Variants in AFF4 observed in about 807,000 individuals in gnomAD.
AFF4 encodes the protein ALF transcription elongation factor 4, also known as AF4/FMR2 family member 4.
A neutral mutation model predicts 124.8 loss-of-function variants in AFF4; 13 were observed. That is an observed-to-expected ratio of 0.10 (90% confidence interval 0.07 to 0.17). The LOEUF is 0.17. AFF4 is among the 10% of genes least tolerant of loss of function. The pLI is 1.00. For synonymous variants in AFF4, 477 were observed against 496.1 expected, an observed-to-expected ratio of 0.96 and a Z score of 0.51; for missense variants, 1,092 against 1,403.8, an observed-to-expected ratio of 0.78 and a Z score of 3.55.
At chr5:132,932,515 C>T (rs927669646) in intron 3 of AFF4, among the ~76,000 whole-genome samples, 1 of 152,048 alleles carries the variant, frequency 6.6e-6, no homozygotes, top group African/African-American at 2.4e-5. Context: ...AGGTGTGCAG[C>T]TTGTCTAAAA....
intron 5 of AFF4, among the ~76,000 whole-genome samples, chr5:132,905,083 G>T (rs921924317): frequency 6.6e-6 from 1 of 150,952 alleles, no homozygotes; most frequent in African/African-American, 2.4e-5. Context: ...CACTTTTATG[G>T]ACTAAAAAAA....
In AFF4 at chr5:132,932,240, C is replaced by T; in HGVS notation, c.919-18G>A. 6.2e-7 allele frequency: 1 copy of T among 1,600,122 alleles called. No individual in the cohort carries two copies. Among genetic ancestry groups the T allele is most frequent in the Non-Finnish European group, 8.5e-7 (1 of 1,173,506 alleles). On this transcript the variant is annotated intron_variant, in intron 3 of 20. Coordinates refer to ENST00000265343, the MANE Select transcript of AFF4 (RefSeq NM_014423.4). ...GCTGATGCCTTGAAAGAAAAAGCAG[C>T]ACACATTAGATTTTTATCAGTAGAT... is the stretch of plus-strand genomic sequence containing the variant.
intron 1 of AFF4, among the ~76,000 whole-genome samples, chr5:132,944,324 G>A (rs1761645697): frequency 1.5e-5 from 2 of 135,338 alleles, no homozygotes; most frequent in South Asian, 2.6e-4. Flanking sequence ...GCGACAGCGC[G>A]AGACTCTGTC....
At chr5:132,890,334 A>G (rs1760223877) in intron 13 of AFF4, among the ~76,000 whole-genome samples, 1 of 151,884 alleles carries the variant, frequency 6.6e-6, no homozygotes, top group South Asian at 2.1e-4. Context: ...CAGTGGTGCA[A>G]TCATGGCTCA....
At chr5:132,954,696 C>T (rs1246872712) in intron 1 of AFF4, among the ~76,000 whole-genome samples, 16 of 151,536 alleles carry the variant, frequency 1.1e-4, no homozygotes, top group African/African-American at 3.1e-4. Context: ...TACAGGCGCC[C>T]GCCACTACGC....
intron 1 of AFF4, among the ~76,000 whole-genome samples, chr5:132,940,342 T>TA (rs1398153611): frequency 2.0e-5 from 3 of 149,768 alleles, no homozygotes; most frequent in African/African-American, 7.4e-5. Flanking sequence ...ACTAAAAATA[T>TA]AAAAAGAAAT....
chr5:132,923,321 G>A (rs1024367461), intron 5 of AFF4, among the ~76,000 whole-genome samples: 3 of 151,964 alleles, frequency 2.0e-5, no homozygotes, highest in Non-Finnish European at 2.9e-5. Context: ...ACTGCACTGC[G>A]GCCTGGATGA....
intron 18 of AFF4, 107 bp downstream of exon 18, chr5:132,886,203 C>T: frequency 2.2e-6 from 2 of 896,620 alleles, no homozygotes; most frequent in East Asian, 2.5e-5. Flanking sequence ...AACAGTAGCT[C>T]CTCCCCTGGT....
At position 132,902,472 on chromosome 5, in the gene AFF4, G is replaced by A; in HGVS notation, c.1103C>T (p.Ser368Phe). Residue 368 changes from serine to phenylalanine, a missense_variant, in exon 7 of 21, where the codon TCT (serine) becomes TTT (phenylalanine). Physicochemically the swap from Ser to Phe is radical, Grantham distance 155. Transcript: ENST00000265343. ...GTGEQKRYNP[S>F]KTSNGHQSKS... ...AGACTGGTGCCCATTTGAAGTTTTA[G>A]AAGGATTATATCTTTCTGGAACAAA... 6.2e-7 allele frequency: 1 copy of A among 1,608,608 alleles called. No individual in the cohort carries two copies. Among genetic ancestry groups the A allele is most frequent in the Non-Finnish European group, 8.5e-7 (1 of 1,175,256 alleles).
intron 18 of AFF4, 77 bp downstream of exon 18, chr5:132,886,233 G>C (rs545912455): frequency 8.0e-7 from 1 of 1,247,954 alleles, no homozygotes; most frequent in African/African-American, 1.5e-5. Flanking sequence ...ATAAACATGA[G>C]GGCAGTTCTC....
intron 3 of AFF4, among the ~76,000 whole-genome samples, chr5:132,933,428 G>GGCCA (rs1761346847): frequency 1.3e-5 from 2 of 151,816 alleles, no homozygotes. Flanking sequence ...ATAAAATTTG[G>GGCCA]GCCAGGCATG....
rs1348021979 is a variant in AFF4, at chr5:132,897,154, C to T, written c.1476G>A (p.Val492=). 1.2e-6 allele frequency: 2 copies of T among 1,614,140 alleles called. No individual in the cohort carries two copies. The highest frequency in any genetic ancestry group is 1.3e-5 in the African/African-American group (1 of 75,038). ...CTTGAGATGATGGGATGTTACTGTC[C>T]ACTGAAGAGGCGGGTGACACTTTAT... is the stretch of plus-strand genomic sequence containing the variant. ...NPHKVSPASS[V]DSNIPSSQGY... is the part of the protein sequence containing the mutation. The change falls in exon 11 of 21, where the codon GTG becomes GTA. Residue 492 remains valine (V), a synonymous_variant. Coordinates refer to ENST00000265343, the MANE Select transcript of AFF4 (RefSeq NM_014423.4).
chr5:132,892,739 A>G (rs896839740), intron 12 of AFF4, among the ~76,000 whole-genome samples: 11 of 152,182 alleles, frequency 7.2e-5, no homozygotes, highest in African/African-American at 2.2e-4. Flanking sequence ...GAAATTACAG[A>G]TAAGTTTGCC....
At chr5:132,948,242 G>A (rs1761747446) in intron 1 of AFF4, among the ~76,000 whole-genome samples, 2 of 152,030 alleles carry the variant, frequency 1.3e-5, no homozygotes, top group Admixed American at 1.3e-4. Flanking sequence ...GTAGAGACAG[G>A]GTTTCACCAT....
At chr5:132,958,081 T>C (rs190363699) in intron 1 of AFF4, among the ~76,000 whole-genome samples, 1 of 152,200 alleles carries the variant, frequency 6.6e-6, no homozygotes, top group South Asian at 2.1e-4. Context: ...GGAATGCGTG[T>C]TACTTTTTTT....
chr5:132,957,019 CAAAAAAAAAAAAAAAAAA>C lies in AFF4; in HGVS notation c.-5+6222_-5+6239del, dbSNP rs1180577709. 1.4e-3 allele frequency among the ~76,000 whole-genome samples: 57 copies of C among 40,812 alleles called. 1 individual carries two copies. The highest frequency in any genetic ancestry group is 0.036 in the Middle Eastern group (1 of 28). The allele number at this position is 40,812 out of a possible 152,430, so 26.8% of individuals were successfully genotyped here. ...TGGGTGACAGTGTGAGACTTCGTCT[CAAAAAAAAAAAAAAAAAA>C]AAAAAAAAAAAACAGAAAAATGGCC... On this transcript the variant is annotated intron_variant, in intron 1 of 20. Coordinates refer to ENST00000265343, the MANE Select transcript of AFF4 (RefSeq NM_014423.4).
chr5:132,897,174 C>A lies in AFF4; in HGVS notation c.1456G>T (p.Val486Leu), dbSNP rs757271830. The A allele has an allele frequency of 6.2e-7, 1 of 1,614,158 alleles. No individual in the cohort carries two copies. The highest frequency in any genetic ancestry group is 1.1e-5 in the South Asian group (1 of 91,084). ...CTGTCCACTGAAGAGGCGGGTGACA[C>A]TTTATGTGGGTTCACTTTATTCAGC... ...NWLNKVNPHK[V>L]SPASSVDSNI... is the part of the protein sequence containing the mutation. Residue 486 changes from valine to leucine, a missense_variant, in exon 11 of 21, where the codon GTG becomes TTG. Around this residue, in one of 11 missense-constraint regions of AFF4, gnomAD observed 7 missense variants for 33.5 expected, o/e 0.21. Transcript: ENST00000265343.
At chr5:132,930,959 T>C (rs59230925) in intron 4 of AFF4, among the ~76,000 whole-genome samples, 16,163 of 136,428 alleles carry the variant, frequency 0.12, 1,185 homozygotes, top group Middle Eastern at 0.21. Flanking sequence ...AAAAAAAAAT[T>C]AGCCAGGCAT....
At chr5:132,895,705 T>C (rs963062706) in intron 11 of AFF4, among the ~76,000 whole-genome samples, 3 of 152,258 alleles carry the variant, frequency 2.0e-5, no homozygotes, top group Non-Finnish European at 4.4e-5. Flanking sequence ...TGTACGATTA[T>C]TATCCTCCAA....
Sources: allele counts gnomAD v4.1 joint callset (sites outside exome capture counted in the v4.1 genomes callset), GRCh38; gene constraint gnomAD v4.1.1; regional missense constraint gnomAD v4.1.1; transcripts MANE v1.5; gene names NCBI Gene and HGNC (gene_info 2026-07-23, HGNC 2026-07-21).